Variants in ANKRD36B observed in about 807,000 individuals in gnomAD.
The protein encoded by ANKRD36B is ankyrin repeat domain 36B.
ANKRD36B carries 37 observed loss-of-function variants against 135.7 expected under a neutral mutation model. That is an observed-to-expected ratio of 0.27 (90% CI 0.21 to 0.36). The LOEUF is 0.36. ANKRD36B is among the 10% of genes least tolerant of loss of function. ANKRD36B has a pLI of 1.00. For missense variants in ANKRD36B, 549 were observed against 1,037.1 expected, an observed-to-expected ratio of 0.53 and a Z score of 6.46; for synonymous variants, 179 against 348.1, an observed-to-expected ratio of 0.51 and a Z score of 5.41.
Position 97,560,587 on chromosome 2 carries a change from C to T in ANKRD36B, c.865+78G>A, listed in dbSNP as rs373994972. The T allele has an allele frequency of 2.5e-6, 4 of 1,577,044 alleles. No individual in the cohort carries two copies. The African/African-American group carries it at 5.4e-5, about 21-fold the overall frequency. On this transcript the variant is annotated intron_variant, in intron 8 of 43. Transcript: ENST00000359901. The stretch of plus-strand genomic sequence containing the variant: ...CAGAACGTGCAGCTTATATGAACTC[C>T]CCACTGATTTATTTGGGGAAGGGAA...
chr2:97,553,342 C>A lies in ANKRD36B; in HGVS notation c.1200+1G>T, dbSNP rs1435427126. The stretch of plus-strand genomic sequence containing the variant: ...CACAACATAAATGAGAGTTCAATTA[C>A]CTTCAAGGCTTGTTGTTTCTGAGAA... On this transcript the variant is annotated splice_donor_variant, in intron 15 of 43. Transcript: ENST00000359901. LOFTEE classifies it high-confidence loss of function. The A allele has an allele frequency of 6.2e-7, 1 of 1,609,664 alleles. No individual in the cohort carries two copies. Among genetic ancestry groups the A allele is most frequent in the Admixed American group, 1.7e-5 (1 of 59,830 alleles).
In ANKRD36B at chr2:97,549,338, G is replaced by A. The variant is rs2079810018; in HGVS notation, c.1477+81C>T. ...GAATCAGAAAGTGCAGCTTCGACGA[G>A]CCCCCCGCTGATTTATTTGGGGAAG... On this transcript the variant is annotated intron_variant, in intron 20 of 43. Coordinates refer to ENST00000359901, the MANE Select transcript of ANKRD36B (RefSeq NM_001393939.1). 2.7e-6 allele frequency: 4 copies of A among 1,455,838 alleles called. No individual in the cohort carries two copies. In the Admixed American group the frequency reaches 6.5e-5, roughly 24 times the overall value. 90.2% of individuals were successfully genotyped at this position (1,455,838 alleles called of 1,614,324 possible).
At position 97,580,558 on chromosome 2, in the gene ANKRD36B, T is replaced by G; in HGVS notation, c.461A>C (p.Gln154Pro). 1.3e-6 allele frequency: 2 copies of G among 1,542,800 alleles called. No individual in the cohort carries two copies. Among genetic ancestry groups the G allele is most frequent in the South Asian group, 1.2e-5 (1 of 82,378 alleles). ...TCGACTCACAGCAAGTAACAGTGGCTGATATTCATTCTGTAAAATAACAGC... is the reference window on the plus strand; with the variant it reads ...TCGACTCACAGCAAGTAACAGTGGCGGATATTCATTCTGTAAAATAACAGC... ...NIEECSKNEY[Q>P]PLLLAVSRRK... is the part of the protein sequence containing the mutation. Residue 154 changes from glutamine (Q) to proline (P), a missense_variant, in exon 4 of 44, where the codon CAG becomes CCG. By Grantham distance (76) the Gln-to-Pro change is moderately conservative (BLOSUM62 -1). Coordinates refer to ENST00000359901, the MANE Select transcript of ANKRD36B (RefSeq NM_001393939.1).
Position 97,555,098 on chromosome 2 carries a change from G to A in ANKRD36B, c.1133C>T (p.Thr378Ile), listed in dbSNP as rs376793197. Residue 378 changes from threonine to isoleucine, a missense_variant, in exon 14 of 44, where the codon ACA (threonine) becomes ATA (isoleucine). Coordinates refer to ENST00000359901, the MANE Select transcript of ANKRD36B (RefSeq NM_001393939.1). The stretch of plus-strand genomic sequence containing the variant: ...TAGTCCATCCTTTATTTCTGTAGCT[G>A]TATTCAAAGCAGAATCTGTCTTGTC... Reference protein sequence around the residue: ...ASDKTDSALNTATEIKDGLQC... With the variant: ...ASDKTDSALNIATEIKDGLQC... 4.8e-5 allele frequency: 78 copies of A among 1,611,728 alleles called. No homozygotes were observed. Among genetic ancestry groups the A allele is most frequent in the Non-Finnish European group, 6.6e-5 (78 of 1,178,668 alleles).
intron 6 of ANKRD36B, among the ~76,000 whole-genome samples, chr2:97,568,229 AT>A (rs2081586516): frequency 6.6e-6 from 1 of 152,022 alleles, no homozygotes; most frequent in Admixed American, 6.6e-5. Context: ...CTTGAAATGT[AT>A]CCCCCATGTG....
At chr2:97,576,304 T>C (rs2082234991) in intron 6 of ANKRD36B, 75 bp downstream of exon 6, 1 of 407,312 alleles carries the variant, frequency 2.5e-6, no homozygotes, top group Non-Finnish European at 4.6e-6. Context: ...AACTGCTTTT[T>C]TGTAATCAAA....
chr2:97,549,269 C>G, intron 20 of ANKRD36B, 150 bp downstream of exon 20: 2 of 866,868 alleles, frequency 2.3e-6, no homozygotes, highest in Non-Finnish European at 3.4e-6. Flanking sequence ...TCAGCATCAG[C>G]ATCACTCAAG....
chr2:97,546,760 G>C (rs1436073686), intron 22 of ANKRD36B, among the ~76,000 whole-genome samples: 3 of 151,642 alleles, frequency 2.0e-5, no homozygotes, highest in Non-Finnish European at 4.4e-5. Context: ...TCATGAAATA[G>C]CTATTTCATC....
chr2:97,546,175 G>T (rs943919529), intron 22 of ANKRD36B, among the ~76,000 whole-genome samples: 1 of 151,718 alleles, frequency 6.6e-6, no homozygotes, highest in African/African-American at 2.4e-5. Context: ...AATCAGAGGA[G>T]CAACTCATAC....
intron 28 of ANKRD36B, among the ~76,000 whole-genome samples, chr2:97,540,532 A>G (rs538704286): frequency 1.0e-5 from 1 of 96,770 alleles, no homozygotes; most frequent in Admixed American, 9.2e-5. Context: ...AATGTGATCT[A>G]AAATCAGAGG....
chr2:97,527,553 A>T lies in ANKRD36B; in HGVS notation c.2266-4086T>A, dbSNP rs543743809. 1.9e-4 allele frequency among the ~76,000 whole-genome samples: 18 copies of T among 94,800 alleles called. 4 individuals carry two copies. The East Asian group carries it at 4.3e-3, about 23-fold the overall frequency. The allele number at this position is 94,800 out of a possible 152,430, so 62.2% of individuals were successfully genotyped here. A position where few individuals can be genotyped will look rare whatever the true frequency, so the allele number is the denominator to read the frequency against. On this transcript the variant is annotated intron_variant, in intron 35 of 43. Transcript: ENST00000359901. ...TGCCAGGATGAAATTCACACATAACAATATTAACTTTAAATGTAAATGGAC... is the reference window on the plus strand; with the variant it reads ...TGCCAGGATGAAATTCACACATAACTATATTAACTTTAAATGTAAATGGAC...
intron 6 of ANKRD36B, among the ~76,000 whole-genome samples, chr2:97,561,735 T>C (rs1577015015): frequency 6.6e-6 from 1 of 152,002 alleles, no homozygotes; most frequent in South Asian, 2.1e-4. Flanking sequence ...TATCATGTTA[T>C]TCTCTAGAGA....
intron 6 of ANKRD36B, among the ~76,000 whole-genome samples, chr2:97,561,699 T>G (rs2081039462): frequency 1.3e-5 from 2 of 152,024 alleles, no homozygotes; most frequent in South Asian, 4.1e-4. Context: ...AACATTATTT[T>G]CACTTCTAAA....
rs1168022588 is a variant in ANKRD36B at position 97,536,490 on chromosome 2, G to C, written c.2096C>G (p.Pro699Arg). Residue 699 changes from proline (P) to arginine (R), a missense_variant, in exon 33 of 44, where the codon CCT (proline) becomes CGT (arginine). Transcript: ENST00000359901. Reference sequence around the variant, plus strand: ...TACCTTCAAGGTGCGCAGATTCTCAGGATACTCTAACAAGCAAGAGAAATA... The same window carrying C: ...TACCTTCAAGGTGCGCAGATTCTCACGATACTCTAACAAGCAAGAGAAATA... ...TGGGKSGTEY[P>R]ENLRTLKATI... The C allele has an allele frequency of 3.3e-6, 3 of 903,838 alleles. 1 individual carries two copies. In the African/African-American group the frequency reaches 5.2e-5, roughly 16 times the overall value. The allele number at this position is 903,838 out of a possible 1,614,324, so 56.0% of individuals were successfully genotyped here.
At position 97,553,218 on chromosome 2, in the gene ANKRD36B, G is replaced by A. The variant is rs747608786; in HGVS notation, c.1223C>T (p.Ser408Phe). 4.3e-6 allele frequency: 7 copies of A among 1,610,970 alleles called. No homozygotes were observed. Among genetic ancestry groups the A allele is most frequent in the Non-Finnish European group, 5.1e-6 (6 of 1,178,758 alleles). The change falls in exon 16 of 44, where the codon TCT (serine) becomes TTT (phenylalanine). Residue 408 changes from serine to phenylalanine, a missense_variant. Coordinates refer to ENST00000359901, the MANE Select transcript of ANKRD36B (RefSeq NM_001393939.1). ...ALKATTDEEG[S>F]VSNIATEIKD... is the part of the protein sequence containing the mutation. ...TATTTCTGTGGCTATATTAGAAACA[G>A]AACCTTCCTCGTCAGTTGTAGCCTG...
At chr2:97,548,094 C>T (rs561174716) in intron 20 of ANKRD36B, among the ~76,000 whole-genome samples, 1 of 151,822 alleles carries the variant, frequency 6.6e-6, no homozygotes, top group South Asian at 2.1e-4. Context: ...TACATGATCC[C>T]ACATGTCTTT....
chr2:97,524,164 G>C lies in ANKRD36B; in HGVS notation c.2266-697C>G, dbSNP rs2078068897. 3.8e-5 allele frequency: 3 copies of C among 78,138 alleles called. 1 individual carries two copies. Among genetic ancestry groups the C allele is most frequent in the African/African-American group, 1.3e-4 (3 of 22,382 alleles). The allele number at this position is 78,138 out of a possible 1,614,324, so 4.8% of individuals were successfully genotyped here. ...TTGTACTGTTGTGTTTGTAACAACA[G>C]AAACACCATCATCTTTTTTTTTTTT... On this transcript the variant is annotated intron_variant, in intron 35 of 43. Coordinates refer to ENST00000359901, the MANE Select transcript of ANKRD36B (RefSeq NM_001393939.1).
chr2:97,498,945 T>A (rs1180557167), intron 43 of ANKRD36B, among the ~76,000 whole-genome samples: 1 of 53,936 alleles, frequency 1.9e-5, no homozygotes, highest in Admixed American at 1.3e-4. Flanking sequence ...GAGAGGGAGA[T>A]ATAAAAACCT....
intron 10 of ANKRD36B, among the ~76,000 whole-genome samples, 159 bp downstream of exon 10, chr2:97,558,640 G>A (rs977096083): frequency 7.2e-5 from 11 of 151,782 alleles, no homozygotes; most frequent in Middle Eastern, 3.2e-3. Flanking sequence ...AGATCATGTC[G>A]AAGACCAGCA....
Sources: gnomAD v4.1 joint callset for allele counts (sites outside exome capture counted in the v4.1 genomes callset) on GRCh38, gnomAD v4.1.1 for gene constraint, MANE v1.5 for transcripts, NCBI Gene and HGNC (gene_info 2026-07-23, HGNC 2026-07-21) for gene names.